SORCS2: variants seen among roughly 807,000 people sequenced by gnomAD.
The protein encoded by SORCS2 is sortilin related VPS10 domain containing receptor 2.
SORCS2 carries 100 observed loss-of-function variants against 141.6 expected under a neutral mutation model. The ratio of observed to expected loss-of-function variants is 0.71; its 90% CI spans 0.60 to 0.83. SORCS2 has a LOEUF of 0.83. Among genes scored for constraint, SORCS2 ranks in the 40% least tolerant of loss-of-function variants. The probability of loss-of-function intolerance (pLI) is 0.00; values close to 1 mark genes in which losing one functional copy is unlikely to be tolerated. For synonymous variants in SORCS2, 789 were observed against 676.9 expected, an observed-to-expected ratio of 1.17 and a Z score of -2.57; for missense variants, 1,646 against 1,560.2, an observed-to-expected ratio of 1.05 and a Z score of -0.93.
At chr4:7,395,732 G>A (rs1018131807) in intron 1 of SORCS2, among the ~76,000 whole-genome samples, 1 of 152,194 alleles carries the variant, frequency 6.6e-6, no homozygotes, top group South Asian at 2.1e-4. Context: ...GTGCGCCACA[G>A]AGGACTCCTG....
At chr4:7,357,992 C>T (rs970579348) in intron 1 of SORCS2, among the ~76,000 whole-genome samples, 2 of 152,352 alleles carry the variant, frequency 1.3e-5, no homozygotes, top group Admixed American at 6.5e-5. Flanking sequence ...TCTGTGCATG[C>T]TTCCTCCTGA....
At chr4:7,471,308 G>A (rs1439910966) in intron 2 of SORCS2, among the ~76,000 whole-genome samples, 1 of 152,212 alleles carries the variant, frequency 6.6e-6, no homozygotes, top group Non-Finnish European at 1.5e-5. Flanking sequence ...CAATGTTGTG[G>A]CCTTCTCCCC....
rs551185515 is a variant in SORCS2, at chr4:7,192,754, C to T, written c.108C>T (p.Leu36=). ...CGCGCTCGCCGCGCTCGCGGCCGCT[C>T]CTGCTGCTGCTGCTGCTGCTGGGCG... is the stretch of plus-strand genomic sequence containing the variant. ...PPPRSPRSRP[L]LLLLLLLGAC... The change falls in exon 1 of 27, where the codon CTC becomes CTT. Residue 36 remains leucine (L), a synonymous_variant. Coordinates refer to ENST00000507866, the MANE Select transcript of SORCS2 (RefSeq NM_020777.3). This position sits in a 1 kb window ranked among gnomAD's most constrained non-coding sequence, Gnocchi z 4.0. The T allele has an allele frequency of 2.0e-6, 2 of 998,806 alleles. No individual in the cohort carries two copies. Among genetic ancestry groups the T allele is most frequent in the Admixed American group, 6.1e-5 (1 of 16,438 alleles). 61.9% of individuals were successfully genotyped at this position (998,806 alleles called of 1,614,324 possible).
chr4:7,415,999 CAG>C (rs1445885680), intron 2 of SORCS2, among the ~76,000 whole-genome samples: 1 of 152,190 alleles, frequency 6.6e-6, no homozygotes, highest in Non-Finnish European at 1.5e-5. Context: ...TGCAGAAACA[CAG>C]AGGCATGTAG....
In SORCS2 at chr4:7,716,182, A is replaced by AT. The variant is rs535675135; in HGVS notation, c.2252+876dup. 1.2e-3 allele frequency among the ~76,000 whole-genome samples: 179 copies of AT among 152,302 alleles called. 2 individuals are homozygous for AT. The highest frequency in any genetic ancestry group is 0.011 in the Admixed American group (165 of 15,298). On this transcript the variant is annotated intron_variant, in intron 17 of 26. Coordinates refer to ENST00000507866, the MANE Select transcript of SORCS2 (RefSeq NM_020777.3). ...AATTTCCTCATTTCTCTTTGAGGAC[A>AT]TTTTTCAGAGAGGAAGAGAAAAGCC...
At chr4:7,254,076 G>T (rs1165610748) in intron 1 of SORCS2, among the ~76,000 whole-genome samples, 2 of 152,226 alleles carry the variant, frequency 1.3e-5, no homozygotes, top group African/African-American at 4.8e-5. Context: ...CCGTTGGTGG[G>T]AATGTAAATT....
chr4:7,305,937 C>T (rs1436842428), intron 1 of SORCS2, among the ~76,000 whole-genome samples: 1 of 152,188 alleles, frequency 6.6e-6, no homozygotes, highest in African/African-American at 2.4e-5. Flanking sequence ...AGGCTGGGGG[C>T]TATGCTGCTG....
At chr4:7,633,363 G>GTCC (rs1309015158) in intron 3 of SORCS2, among the ~76,000 whole-genome samples, 2 of 152,122 alleles carry the variant, frequency 1.3e-5, no homozygotes, top group Non-Finnish European at 2.9e-5. Flanking sequence ...GGGTCATGCC[G>GTCC]TCCTCTCTGC....
At chr4:7,312,292 C>T (rs1275461687) in intron 1 of SORCS2, among the ~76,000 whole-genome samples, 1 of 152,182 alleles carries the variant, frequency 6.6e-6, no homozygotes, top group Non-Finnish European at 1.5e-5. Context: ...GCTAAGAAAG[C>T]TTCTCACACT....
chr4:7,213,333 T>C (rs1173639640), intron 1 of SORCS2, among the ~76,000 whole-genome samples: 10 of 152,174 alleles, frequency 6.6e-5, no homozygotes, highest in African/African-American at 2.4e-4. Context: ...AGAGGCAAGC[T>C]GTCTTGGGAG....
chr4:7,353,627 G>T (rs1400023213), intron 1 of SORCS2, among the ~76,000 whole-genome samples: 3 of 152,176 alleles, frequency 2.0e-5, no homozygotes, highest in East Asian at 3.9e-4. Flanking sequence ...TGCCCTGAGC[G>T]TGCTCTCTTT....
chr4:7,563,394 G>A (rs776519448), intron 3 of SORCS2, among the ~76,000 whole-genome samples: 1 of 152,168 alleles, frequency 6.6e-6, no homozygotes, highest in Non-Finnish European at 1.5e-5. Flanking sequence ...GGGGGAGTAA[G>A]TGACCTACCC....
intron 1 of SORCS2, among the ~76,000 whole-genome samples, chr4:7,395,129 G>A (rs1409201144): frequency 2.6e-5 from 4 of 152,232 alleles, no homozygotes; most frequent in South Asian, 2.1e-4. Context: ...TTAAATCATC[G>A]CCGCCTGTAA....
intron 1 of SORCS2, among the ~76,000 whole-genome samples, chr4:7,257,277 T>G (rs1479058160): frequency 7.0e-6 from 1 of 143,430 alleles, no homozygotes; most frequent in Non-Finnish European, 1.5e-5. Flanking sequence ...GCGCCAGGAG[T>G]GCCCACCAAG....
chr4:7,610,822 A>G (rs1718359405), intron 3 of SORCS2, among the ~76,000 whole-genome samples: 1 of 152,176 alleles, frequency 6.6e-6, no homozygotes, highest in South Asian at 2.1e-4. Context: ...AGGTGGGTGG[A>G]AGAGCAGCCC....
At chr4:7,728,635 G>A (rs1727389324) in intron 22 of SORCS2, among the ~76,000 whole-genome samples, 173 bp downstream of exon 22, 1 of 152,230 alleles carries the variant, frequency 6.6e-6, no homozygotes, top group Non-Finnish European at 1.5e-5. Context: ...TGGGGGGCAG[G>A]CACACTGCCC....
chr4:7,418,168 A>G (rs200658313), intron 2 of SORCS2, among the ~76,000 whole-genome samples: 1 of 151,976 alleles, frequency 6.6e-6, no homozygotes, highest in South Asian at 2.1e-4. Context: ...AGCACATTTC[A>G]GGTGTACCCT....
chr4:7,737,268 G>T (rs1470098829), intron 26 of SORCS2, 96 bp downstream of exon 26: 47 of 1,487,558 alleles, frequency 3.2e-5, no homozygotes, highest in Non-Finnish European at 4.0e-5. Context: ...CCGCTGGGCC[G>T]CTGGGGCCAG....
At chr4:7,401,163 A>G (rs1347914746) in intron 2 of SORCS2, among the ~76,000 whole-genome samples, 1 of 151,944 alleles carries the variant, frequency 6.6e-6, no homozygotes, top group Non-Finnish European at 1.5e-5. Flanking sequence ...GGACAGATGG[A>G]TGAGTGGATT....
Sources: gnomAD v4.1 joint callset for allele counts (sites outside exome capture counted in the v4.1 genomes callset) on GRCh38, gnomAD v4.1.1 for gene constraint, Gnocchi (gnomAD v3.1) non-coding constraint, MANE v1.5 for transcripts, NCBI Gene and HGNC (gene_info 2026-07-23, HGNC 2026-07-21) for gene names.